UBA5: variants seen among roughly 807,000 people sequenced by gnomAD.
UBA5 encodes ubiquitin like modifier activating enzyme 5, also known as ubiquitin-like modifier-activating enzyme 5.
In UBA5, 28 loss-of-function variants were observed where a neutral mutation model predicts 52.9. That is an observed-to-expected ratio of 0.53 (90% CI 0.39 to 0.73). The LOEUF (loss-of-function observed/expected upper bound fraction) is 0.73. Ranked by LOEUF, UBA5 falls within the 30% of genes least tolerant of loss-of-function variation. UBA5 has a pLI of 0.00. For missense variants in UBA5, 388 were observed against 492.7 expected (o/e 0.79, Z 2.01); for synonymous variants, 135 against 162.1 (o/e 0.83, Z 1.27).
intron 5 of UBA5, 26 bp from the exon 6 acceptor site, chr3:132,670,939 T>C: frequency 6.3e-7 from 1 of 1,584,920 alleles, no homozygotes; most frequent in Non-Finnish European, 8.7e-7. Flanking sequence ...GTCCTGATGT[T>C]TTTCAAACTT....
intron 11 of UBA5, 73 bp downstream of exon 11, chr3:132,675,996 A>G (rs1938823511): frequency 9.9e-7 from 1 of 1,009,480 alleles, no homozygotes; most frequent in African/African-American, 1.6e-5. Flanking sequence ...CTAATTTGTA[A>G]TGCCAATGAA....
At chr3:132,668,326 A>G (rs1938464595) in intron 3 of UBA5, 1 of 152,696 alleles carries the variant, frequency 6.5e-6, no homozygotes, top group South Asian at 2.0e-4. Context: ...AAAAGGAGTC[A>G]GGTTATACTA....
chr3:132,676,260 T>C lies in UBA5; in HGVS notation c.1132-183T>C, dbSNP rs16839507. Among the ~76,000 whole-genome samples the C allele has an allele frequency of 0.044, 6,667 of 152,152 alleles. 279 individuals are homozygous for C. The highest frequency in any genetic ancestry group is 0.1 in the African/African-American group (4,302 of 41,520). ...AATATTGAAATTACTGCCTTGTAAATCAAAAGACTGGTGAGGAATGTAAAA... is the reference window on the plus strand; with the variant it reads ...AATATTGAAATTACTGCCTTGTAAACCAAAAGACTGGTGAGGAATGTAAAA... On this transcript the variant is annotated intron_variant, in intron 11 of 11. Transcript: ENST00000356232. This position sits in a 1 kb window ranked among gnomAD's most constrained non-coding sequence, Gnocchi z 4.1.
Position 132,677,135 on chromosome 3 carries a change from T to C in UBA5, c.*609T>C, listed in dbSNP as rs1025371521. 21 of 219,720 alleles carry C rather than the reference T, an allele frequency of 9.6e-5. No homozygotes were observed. Among genetic ancestry groups the C allele is most frequent in the Non-Finnish European group, 9.4e-6 (1 of 105,910 alleles). 13.6% of individuals were successfully genotyped at this position (219,720 alleles called of 1,614,324 possible). On this transcript the variant is annotated 3_prime_UTR_variant, in exon 12 of 12. Transcript: ENST00000356232. Reference sequence around the variant, plus strand: ...GGAAAAGTCTGTAACCTGTGGATCATATATATTCAAAGTGAGACAAAGGCA... The same window carrying C: ...GGAAAAGTCTGTAACCTGTGGATCACATATATTCAAAGTGAGACAAAGGCA...
At chr3:132,657,861 T>G (rs920898044), upstream of UBA5, among the ~76,000 whole-genome samples, 2 of 145,610 alleles carry the variant, frequency 1.4e-5, no homozygotes, top group Non-Finnish European at 3.0e-5. Flanking sequence ...AAAAAACACA[T>G]ATTCCTTTTT....
rs759388024 is a variant in UBA5 at position 132,672,030 on chromosome 3, G to C, written c.685-20G>C. ...TACTTTTTCTCTTTTTTTTTGAAATGTGTTTTATTTTTCATGTAGTGTGCT... is the reference window on the plus strand; with the variant it reads ...TACTTTTTCTCTTTTTTTTTGAAATCTGTTTTATTTTTCATGTAGTGTGCT... On this transcript the variant is annotated intron_variant, in intron 7 of 11. Transcript: ENST00000356232. 1.4e-5 allele frequency: 22 copies of C among 1,605,860 alleles called. No homozygotes were observed. In the African/African-American group the frequency reaches 2.8e-4, roughly 21 times the overall value.
chr3:132,665,688 G>A (rs901423869), intron 1 of UBA5, 135 bp from the exon 2 acceptor site: 3 of 864,970 alleles, frequency 3.5e-6, no homozygotes, highest in Non-Finnish European at 5.3e-6. Context: ...AAACCAGCCT[G>A]TAAGCATCCT....
chr3:132,676,210 C>A lies in UBA5; in HGVS notation c.1132-233C>A, dbSNP rs1439497393. 6.6e-6 allele frequency among the ~76,000 whole-genome samples: 1 copy of A among 151,934 alleles called. No homozygotes were observed. The highest frequency in any genetic ancestry group is 1.5e-5 in the Non-Finnish European group (1 of 67,920). ...TTATCGGTAGTTTTAGCTACGATGTCGTTTAAAAAGCTAGAGCTGTCAAGA... is the reference window on the plus strand; with the variant it reads ...TTATCGGTAGTTTTAGCTACGATGTAGTTTAAAAAGCTAGAGCTGTCAAGA... On this transcript the variant is annotated intron_variant, in intron 11 of 11. Coordinates refer to ENST00000356232, the MANE Select transcript of UBA5 (RefSeq NM_024818.6). The surrounding 1 kb of genome is among the most constrained non-coding windows in gnomAD (Gnocchi z 4.1).
At chr3:132,661,877 A>G (rs1459233678) in intron 1 of UBA5, among the ~76,000 whole-genome samples, 1 of 152,240 alleles carries the variant, frequency 6.6e-6, no homozygotes, top group Admixed American at 6.5e-5. Context: ...CTTAGGGTGC[A>G]CTGTTTTAAC....
chr3:132,655,238 A>G (rs1273774743), intron 1 of UBA5, among the ~76,000 whole-genome samples: 2 of 152,154 alleles, frequency 1.3e-5, no homozygotes, highest in Admixed American at 1.3e-4. Context: ...ACTGTAATAC[A>G]TTGGTGTCCT....
At chr3:132,654,450 T>C (rs556796734) in exon 1 of UBA5, 1 of 152,212 alleles carries the variant, frequency 6.6e-6, no homozygotes, top group South Asian at 2.1e-4. Flanking sequence ...TGGACTGAGG[T>C]GATAAGATAG....
chr3:132,675,300 C>T lies in UBA5; in HGVS notation c.865C>T (p.Gln289Ter). 6.2e-7 allele frequency: 1 copy of T among 1,613,200 alleles called. No individual in the cohort carries two copies. Among genetic ancestry groups the T allele is most frequent in the Non-Finnish European group, 8.5e-7 (1 of 1,179,400 alleles). Reference sequence around the variant, plus strand: ...TTTTTACCTTGGATACAATGCAATGCAGGATTTTTTTCCTACTATGTCCAT... The same window carrying T: ...TTTTTACCTTGGATACAATGCAATGTAGGATTTTTTTCCTACTATGTCCAT... Reference protein sequence around the residue: ...VSFYLGYNAMQDFFPTMSMKP... With the variant: ...VSFYLGYNAM Residue 289 changes from glutamine (Q) to a stop codon, truncating the protein, a stop_gained, in exon 9 of 12, where the codon CAG becomes TAG. Transcript: ENST00000356232. LOFTEE classifies it high-confidence loss of function.
rs141101623 is a variant in UBA5 at position 132,660,672 on chromosome 3, A to G, written c.135A>G (p.Ser45=). Residue 45 remains serine, a synonymous_variant, in exon 1 of 12, where the codon TCA becomes TCG. Transcript: ENST00000356232. The surrounding 1 kb of genome is among the most constrained non-coding windows in gnomAD (Gnocchi z 4.1). ...GGGTCCGCATCGAGAAGATGAGCTC[A>G]GAGGTGGTGGATTCGAATCCCTACA... ...GGRVRIEKMS[S]EVVDSNPYSR... 2.5e-6 allele frequency: 4 copies of G among 1,574,838 alleles called. No individual in the cohort carries two copies. The African/African-American group carries it at 4.1e-5, about 16-fold the overall frequency.
chr3:132,672,741 A>T (rs1174823128), intron 8 of UBA5, among the ~76,000 whole-genome samples: 1 of 152,226 alleles, frequency 6.6e-6, no homozygotes, highest in Non-Finnish European at 1.5e-5. Context: ...CTTAAAAAAG[A>T]TTCTTGAAAT....
intron 1 of UBA5, among the ~76,000 whole-genome samples, chr3:132,662,245 T>G (rs1027772238): frequency 6.6e-6 from 1 of 152,240 alleles, no homozygotes; most frequent in Admixed American, 6.5e-5. Context: ...AGCTGTTCAC[T>G]GATATATGGA....
At chr3:132,669,888 A>C (rs1214075825) in intron 4 of UBA5, among the ~76,000 whole-genome samples, 1 of 152,254 alleles carries the variant, frequency 6.6e-6, no homozygotes, top group African/African-American at 2.4e-5. Context: ...AGTGTGAGAT[A>C]AAAGAGACAG....
chr3:132,662,571 T>C lies in UBA5; in HGVS notation c.161+1873T>C, dbSNP rs113289820. ...TACAAAAGGTTATAGGAAAGGGATA[T>C]GTATGTGTTCAACACCATTTTAATT... On this transcript the variant is annotated intron_variant, in intron 1 of 11. Coordinates refer to ENST00000356232, the MANE Select transcript of UBA5 (RefSeq NM_024818.6). 1.2e-3 allele frequency among the ~76,000 whole-genome samples: 184 copies of C among 152,372 alleles called. 1 individual carries two copies. The highest frequency in any genetic ancestry group is 3.8e-3 in the African/African-American group (158 of 41,586).
At chr3:132,674,107 ACT>A (rs1484022945) in intron 8 of UBA5, among the ~76,000 whole-genome samples, 1 of 152,072 alleles carries the variant, frequency 6.6e-6, no homozygotes, top group African/African-American at 2.4e-5. Flanking sequence ...GTATCATCAA[ACT>A]CTGTAATCTG....
Position 132,676,382 on chromosome 3 carries a change from C to T in UBA5, c.1132-61C>T. 7.5e-7 allele frequency: 1 copy of T among 1,338,370 alleles called. No homozygotes were observed. The highest frequency in any genetic ancestry group is 1.1e-6 in the Non-Finnish European group (1 of 949,818). The allele number at this position is 1,338,370 out of a possible 1,614,324, so 82.9% of individuals were successfully genotyped here. ...GGTCAAAACTTGCTGATTATATATT[C>T]CTAAGCATCAAGAATTCTATATGGT... On this transcript the variant is annotated intron_variant, in intron 11 of 11. Transcript: ENST00000356232. The surrounding 1 kb of genome is among the most constrained non-coding windows in gnomAD (Gnocchi z 4.1).
Sources: gnomAD v4.1 joint callset for allele counts (sites outside exome capture counted in the v4.1 genomes callset) on GRCh38, gnomAD v4.1.1 for gene constraint, Gnocchi (gnomAD v3.1) non-coding constraint, MANE v1.5 for transcripts, NCBI Gene and HGNC (gene_info 2026-07-23, HGNC 2026-07-21) for gene names.